Variants in MATCAP2 observed in about 807,000 individuals in gnomAD.
The protein encoded by MATCAP2 is putative tyrosine carboxypeptidase MATCAP2.
the MATCAP2 span, among the ~76,000 whole-genome samples, chr7:36,372,540 T>C: frequency 1.3e-5 from 2 of 152,126 alleles, no homozygotes; most frequent in African/African-American, 4.8e-5. Flanking sequence ...TCAATGAAAA[T>C]AGAACAGCAC....
At chr7:36,378,456 CT>C in the MATCAP2 span, among the ~76,000 whole-genome samples, 1 of 152,222 alleles carries the variant, frequency 6.6e-6, no homozygotes, top group African/African-American at 2.4e-5. Context: ...CTGCCTGATC[CT>C]TCCTCTGGAA....
chr7:36,366,883 C>A, the MATCAP2 span: 41 of 1,473,998 alleles, frequency 2.8e-5, no homozygotes, highest in Non-Finnish European at 3.4e-5. Flanking sequence ...CCGCCCCGCA[C>A]CCCCGCCGCG....
the MATCAP2 span, among the ~76,000 whole-genome samples, chr7:36,380,157 G>A: frequency 2.0e-5 from 3 of 152,148 alleles, no homozygotes; most frequent in East Asian, 5.8e-4. Context: ...GGGCATTTTG[G>A]TAGTGGGAGT....
chr7:36,385,148 T>G, the MATCAP2 span, among the ~76,000 whole-genome samples: 21 of 152,334 alleles, frequency 1.4e-4, no homozygotes, highest in African/African-American at 4.6e-4. Flanking sequence ...CAGATCTTTA[T>G]GTAAGTTTGT....
the MATCAP2 span, among the ~76,000 whole-genome samples, chr7:36,370,472 TTTTA>T: frequency 1.3e-5 from 2 of 152,178 alleles, no homozygotes; most frequent in Non-Finnish European, 2.9e-5. Flanking sequence ...TGTTTTTTAT[TTTTA>T]TTTATTTATT....
At chr7:36,372,249 C>A in the MATCAP2 span, among the ~76,000 whole-genome samples, 1 of 152,102 alleles carries the variant, frequency 6.6e-6, no homozygotes, top group African/African-American at 2.4e-5. Flanking sequence ...AGTTGCAATA[C>A]CTCAGATTCT....
At chr7:36,350,641 T>C in the MATCAP2 span, among the ~76,000 whole-genome samples, 1 of 151,662 alleles carries the variant, frequency 6.6e-6, no homozygotes, top group Non-Finnish European at 1.5e-5. Flanking sequence ...TTCAAGCAAT[T>C]CTCTCAATCC....
At chr7:36,335,888 C>T in the MATCAP2 span, among the ~76,000 whole-genome samples, 3 of 151,976 alleles carry the variant, frequency 2.0e-5, no homozygotes, top group African/African-American at 4.8e-5. Context: ...CTGGCCAACA[C>T]GGCAAAAACA....
chr7:36,337,203 A>C, the MATCAP2 span, among the ~76,000 whole-genome samples: 1 of 151,760 alleles, frequency 6.6e-6, no homozygotes, highest in African/African-American at 2.4e-5. Context: ...ACATTAATAA[A>C]AATATCTGTA....
At chr7:36,387,916 C>T in the MATCAP2 span, among the ~76,000 whole-genome samples, 4 of 152,124 alleles carry the variant, frequency 2.6e-5, no homozygotes, top group African/African-American at 9.7e-5. Context: ...AATACATACA[C>T]ACCTTTCTTG....
At chr7:36,379,209 C>G in the MATCAP2 span, among the ~76,000 whole-genome samples, 7 of 152,210 alleles carry the variant, frequency 4.6e-5, no homozygotes, top group Admixed American at 6.5e-5. Flanking sequence ...CAGACCGGAG[C>G]TGTTCCTATT....
the MATCAP2 span, among the ~76,000 whole-genome samples, chr7:36,367,755 A>T: frequency 6.6e-6 from 1 of 152,190 alleles, no homozygotes; most frequent in African/African-American, 2.4e-5. Context: ...AAGTATGAAA[A>T]TTTAATCTTT....
chr7:36,389,971 C>G, the MATCAP2 span: 1 of 1,614,082 alleles, frequency 6.2e-7, no homozygotes, highest in South Asian at 1.1e-5. Flanking sequence ...ACTCACTTTT[C>G]TCTTCCTGAA....
the MATCAP2 span, among the ~76,000 whole-genome samples, chr7:36,381,743 G>A: frequency 6.6e-6 from 1 of 151,958 alleles, no homozygotes; most frequent in South Asian, 2.1e-4. Flanking sequence ...CATTTCTTGA[G>A]GGCCTATTAA....
the MATCAP2 span, chr7:36,326,690 G>GT: frequency 7.5e-7 from 1 of 1,330,728 alleles, no homozygotes; most frequent in Non-Finnish European, 1.0e-6. Context: ...AAATCTTCTG[G>GT]TGCTAACTGC....
chr7:36,343,364 G>A, the MATCAP2 span, among the ~76,000 whole-genome samples: 1 of 78,932 alleles, frequency 1.3e-5, no homozygotes, highest in South Asian at 5.9e-4. Flanking sequence ...GGGGAAGGGA[G>A]GAGAGAGGAG....
chr7:36,326,587 G>T, the MATCAP2 span: 1 of 447,038 alleles, frequency 2.2e-6, no homozygotes. Flanking sequence ...AAACATTTTA[G>T]GGAAATAGTT....
chr7:36,371,824 G>A, the MATCAP2 span, among the ~76,000 whole-genome samples: 29 of 152,136 alleles, frequency 1.9e-4, no homozygotes, highest in Admixed American at 9.8e-4. Flanking sequence ...GCAGTGGCGC[G>A]ATCATAACTC....
the MATCAP2 span, chr7:36,357,071 C>T: frequency 6.2e-7 from 1 of 1,614,102 alleles, no homozygotes; most frequent in Non-Finnish European, 8.5e-7. Flanking sequence ...AAATTTCTTC[C>T]CAGAAAAGTC....
Sources: allele counts gnomAD v4.1 joint callset (sites outside exome capture counted in the v4.1 genomes callset), GRCh38; gene constraint gnomAD v4.1.1; transcripts MANE v1.5; gene names NCBI Gene and HGNC (gene_info 2026-07-23, HGNC 2026-07-21).